MYH15: variants seen among roughly 807,000 people sequenced by gnomAD.
The protein encoded by MYH15 is myosin heavy chain 15, also known as myosin-15.
Under a neutral mutation model 240.5 loss-of-function variants are expected in MYH15, and 227 were observed. The observed-to-expected ratio is 0.94, with a 90% confidence interval of 0.85 to 1.05. The LOEUF is 1.05. Ranked by LOEUF, MYH15 falls within the 50% of genes least tolerant of loss-of-function variation. The probability of loss-of-function intolerance (pLI) is 0.00; values close to 1 mark genes in which losing one functional copy is unlikely to be tolerated. For missense variants in MYH15, 2,217 were observed against 2,247.5 expected (o/e 0.99, Z 0.27); for synonymous variants, 785 against 796.7 (o/e 0.99, Z 0.25).
rs780519629 is a variant in MYH15, at chr3:108,463,186, C to T, written c.1789G>A (p.Val597Met). The T allele has an allele frequency of 6.8e-6, 11 of 1,613,336 alleles. No individual in the cohort carries two copies. Among genetic ancestry groups the T allele is most frequent in the Non-Finnish European group, 9.3e-6 (11 of 1,179,568 alleles). Residue 597 changes from valine to methionine, a missense_variant, in exon 16 of 41, where the codon GTG (valine) becomes ATG (methionine). Physicochemically the swap from Val to Met is conservative, Grantham distance 21. Coordinates refer to ENST00000693548, the MANE Select transcript of MYH15 (RefSeq NM_014981.3). The part of the protein sequence containing the change: ...EKNKDLLNET[V>M]VAVFQKSSNR... Reference sequence around the variant, plus strand: ...GAAGACTTCTGAAATACAGCTACCACTGTTTCATTAAGGAGGTCTTTGTTC... The same window carrying T: ...GAAGACTTCTGAAATACAGCTACCATTGTTTCATTAAGGAGGTCTTTGTTC...
At chr3:108,496,801 CAAA>C (rs71673665) in intron 6 of MYH15, among the ~76,000 whole-genome samples, 15 of 122,970 alleles carry the variant, frequency 1.2e-4, no homozygotes, top group Non-Finnish European at 1.9e-4. Context: ...TAATGCGCAC[CAAA>C]AAAAAAAAAA....
chr3:108,481,830 C>T (rs2083270245), intron 11 of MYH15, among the ~76,000 whole-genome samples: 1 of 152,118 alleles, frequency 6.6e-6, no homozygotes, highest in Non-Finnish European at 1.5e-5. Context: ...ATTACATTTG[C>T]ACCAACCTAA....
intron 25 of MYH15, among the ~76,000 whole-genome samples, chr3:108,435,191 A>T (rs1010430832): frequency 1.3e-5 from 2 of 152,218 alleles, no homozygotes; most frequent in African/African-American, 2.4e-5. Flanking sequence ...TAAAATTTTG[A>T]TGTCAAATAT....
intron 16 of MYH15, among the ~76,000 whole-genome samples, chr3:108,461,417 A>G (rs2083070838): frequency 6.6e-6 from 1 of 152,168 alleles, no homozygotes; most frequent in Non-Finnish European, 1.5e-5. Flanking sequence ...TATCACAAGC[A>G]ATTTAATGTT....
intron 11 of MYH15, among the ~76,000 whole-genome samples, chr3:108,481,431 G>A (rs1029640814): frequency 5.9e-5 from 9 of 151,938 alleles, no homozygotes; most frequent in Non-Finnish European, 1.0e-4. Context: ...ATTGAGGGGT[G>A]GAGGCTAGGA....
chr3:108,393,964 C>T, intron 36 of MYH15, 67 bp downstream of exon 36: 1 of 1,606,598 alleles, frequency 6.2e-7, no homozygotes, highest in Non-Finnish European at 8.5e-7. Flanking sequence ...AGATGTGGCC[C>T]TGCCCCTTGG....
chr3:108,461,040 G>A (rs1317757553), intron 16 of MYH15, among the ~76,000 whole-genome samples: 1 of 151,782 alleles, frequency 6.6e-6, no homozygotes, highest in Non-Finnish European at 1.5e-5. Flanking sequence ...CCATTTTCTT[G>A]AAGAAAAAGA....
rs111447563 is a variant in MYH15, at chr3:108,416,391, G to C, written c.3948+421C>G. On this transcript the variant is annotated intron_variant, in intron 29 of 40. Coordinates refer to ENST00000693548, the MANE Select transcript of MYH15 (RefSeq NM_014981.3). ...TCACTTCCACTGGAGTCACCTTCTA[G>C]CAACATTATACACTCATAGGAAGAA... Among the ~76,000 whole-genome samples, 271 of 152,230 alleles carry C rather than the reference G, an allele frequency of 1.8e-3. 1 individual carries two copies. The highest frequency in any genetic ancestry group is 6.1e-3 in the African/African-American group (252 of 41,536).
At chr3:108,402,151 C>T (rs890255260) in intron 33 of MYH15, among the ~76,000 whole-genome samples, 2 of 152,048 alleles carry the variant, frequency 1.3e-5, no homozygotes, top group Admixed American at 6.5e-5. Context: ...ACATATGAGC[C>T]AGCTTTAAAA....
chr3:108,435,036 G>A (rs1241070165), intron 25 of MYH15, among the ~76,000 whole-genome samples: 1 of 151,954 alleles, frequency 6.6e-6, no homozygotes, highest in East Asian at 1.9e-4. Context: ...TATGTTCTTT[G>A]CCCATTTTTC....
At chr3:108,471,370 C>T (rs543635190) in intron 12 of MYH15, among the ~76,000 whole-genome samples, 1 of 152,298 alleles carries the variant, frequency 6.6e-6, no homozygotes, top group African/African-American at 2.4e-5. Flanking sequence ...CCCAGACCTA[C>T]TGAATCAGAA....
At chr3:108,482,340 G>C (rs935678139) in intron 11 of MYH15, among the ~76,000 whole-genome samples, 1 of 152,116 alleles carries the variant, frequency 6.6e-6, no homozygotes, top group Non-Finnish European at 1.5e-5. Flanking sequence ...TTCAAGGCTG[G>C]AGCCCTGAGC....
intron 25 of MYH15, among the ~76,000 whole-genome samples, chr3:108,433,272 C>A (rs1291096839): frequency 2.0e-5 from 3 of 152,182 alleles, no homozygotes; most frequent in Non-Finnish European, 4.4e-5. Context: ...CAATTTCTCC[C>A]ATTTGGAATG....
chr3:108,455,768 C>G lies in MYH15; in HGVS notation c.2230G>C (p.Asp744His). The G allele has an allele frequency of 6.2e-7, 1 of 1,613,936 alleles. No individual in the cohort carries two copies. The highest frequency in any genetic ancestry group is 8.5e-7 in the Non-Finnish European group (1 of 1,179,868). The stretch of plus-strand genomic sequence containing the variant: ...ATTCCAAATCGGTACTGGGTATGGT[C>G]TATCTCCAAGGAGCCAAGTAATTCT... ...AEELLGSLEI[D>H]HTQYRFGITK... The change falls in exon 20 of 41, where the codon GAC becomes CAC. Residue 744 changes from aspartate to histidine, a missense_variant. Physicochemically the swap from Asp to His is moderately conservative, Grantham distance 81 (BLOSUM62 -1). Transcript: ENST00000693548.
intron 1 of MYH15, among the ~76,000 whole-genome samples, chr3:108,525,725 C>T (rs1305502823): frequency 6.6e-6 from 1 of 151,976 alleles, no homozygotes; most frequent in East Asian, 1.9e-4. Context: ...TACATTTTAA[C>T]AGATAATGAT....
At chr3:108,395,511 T>C (rs1471882214) in intron 35 of MYH15, among the ~76,000 whole-genome samples, 1 of 152,174 alleles carries the variant, frequency 6.6e-6, no homozygotes, top group African/African-American at 2.4e-5. Flanking sequence ...TATTTCTTTG[T>C]AGAGGAAGGT....
At chr3:108,498,440 C>T (rs895147525) in intron 5 of MYH15, among the ~76,000 whole-genome samples, 4 of 152,192 alleles carry the variant, frequency 2.6e-5, no homozygotes, top group African/African-American at 7.2e-5. Flanking sequence ...GAAAGCACCT[C>T]TTCTAACTAG....
At chr3:108,541,143 C>T in the MYH15 span, among the ~76,000 whole-genome samples, 777 of 151,734 alleles carry the variant, frequency 5.1e-3, 3 homozygotes, top group Non-Finnish European at 7.6e-3. Flanking sequence ...AACCTATAAA[C>T]CTAACATTAT....
At chr3:108,545,238 G>T in the MYH15 span, among the ~76,000 whole-genome samples, 1 of 152,154 alleles carries the variant, frequency 6.6e-6, no homozygotes, top group Non-Finnish European at 1.5e-5. Context: ...CTCTTGGGGT[G>T]TAGACAATAA....
Sources: gnomAD v4.1 joint callset for allele counts (sites outside exome capture counted in the v4.1 genomes callset) on GRCh38, gnomAD v4.1.1 for gene constraint, MANE v1.5 for transcripts, NCBI Gene and HGNC (gene_info 2026-07-23, HGNC 2026-07-21) for gene names.